The following ARIH1 variants were observed in gnomAD, a reference collection of about 807,000 sequenced individuals.
ARIH1 encodes ariadne RBR E3 ubiquitin protein ligase 1, also known as E3 ubiquitin-protein ligase ARIH1.
In ARIH1, 8 loss-of-function variants were observed where a neutral mutation model predicts 85.0. The ratio of observed to expected loss-of-function variants is 0.09; its 90% CI spans 0.06 to 0.17. The LOEUF (loss-of-function observed/expected upper bound fraction) is 0.17, where lower values mean the gene tolerates loss of function less well. Among genes scored for constraint, ARIH1 ranks in the 10% least tolerant of loss-of-function variants. The pLI, the probability that ARIH1 is intolerant of heterozygous loss-of-function variation, is 1.00. For missense variants in ARIH1, 311 were observed against 718.1 expected, an observed-to-expected ratio of 0.43 and a Z score of 6.48; for synonymous variants, 238 against 253.6, an observed-to-expected ratio of 0.94 and a Z score of 0.59.
intron 3 of ARIH1, among the ~76,000 whole-genome samples, chr15:72,548,311 G>T (rs747870668): frequency 6.6e-6 from 1 of 152,172 alleles, no homozygotes; most frequent in African/African-American, 2.4e-5. Context: ...AAGGAAGAGA[G>T]AATGTACTTT....
chr15:72,507,538 A>C (rs1007130027), intron 1 of ARIH1, among the ~76,000 whole-genome samples: 1 of 152,054 alleles, frequency 6.6e-6, no homozygotes, highest in Non-Finnish European at 1.5e-5. Flanking sequence ...GGCTTGTTTA[A>C]AAGCTTCCTA....
rs2064308779 is a variant in ARIH1 at position 72,584,712 on chromosome 15, G to C, written c.*1420G>C. 6.6e-6 allele frequency: 1 copy of C among 151,888 alleles called. No homozygotes were observed. Among genetic ancestry groups the C allele is most frequent in the African/African-American group, 2.4e-5 (1 of 41,340 alleles). The allele number at this position is 151,888 out of a possible 1,614,324, so 9.4% of individuals were successfully genotyped here. On this transcript the variant is annotated 3_prime_UTR_variant, in exon 14 of 14. Coordinates refer to ENST00000379887, the MANE Select transcript of ARIH1 (RefSeq NM_005744.5). The stretch of plus-strand genomic sequence containing the variant: ...GCTTTTTTATTGTCAGCAGATAGGA[G>C]AATTAATAATGCATTTTAGCTGTGA...
rs1389558854 is a variant in ARIH1 at position 72,582,237 on chromosome 15, T to C, written c.1589+50T>C. 7.6e-7 allele frequency: 1 copy of C among 1,310,834 alleles called. No individual in the cohort carries two copies. The highest frequency in any genetic ancestry group is 1.1e-6 in the Non-Finnish European group (1 of 917,854). The allele number at this position is 1,310,834 out of a possible 1,614,324, so 81.2% of individuals were successfully genotyped here. On this transcript the variant is annotated intron_variant, in intron 13 of 13. Coordinates refer to ENST00000379887, the MANE Select transcript of ARIH1 (RefSeq NM_005744.5). The surrounding 1 kb of genome is among the most constrained non-coding windows in gnomAD (Gnocchi z 4.6). ...TAAAACTTTCTGCCAGTGATGATCC[T>C]TACTGGTAAAGTTCAGTGATAGTGA...
chr15:72,567,224 T>G (rs184797778), intron 9 of ARIH1, 47 bp downstream of exon 9: 160 of 1,491,978 alleles, frequency 1.1e-4, no homozygotes, highest in Non-Finnish European at 1.4e-4. Flanking sequence ...ATGATAAGGA[T>G]TGGTACTTTG....
intron 11 of ARIH1, among the ~76,000 whole-genome samples, chr15:72,578,304 A>G (rs182347122): frequency 5.6e-4 from 86 of 152,284 alleles, no homozygotes; most frequent in African/African-American, 2.0e-3. Context: ...GGTTTTTTCT[A>G]TAACAACGAT....
chr15:72,492,529 T>A (rs925681224), intron 1 of ARIH1, among the ~76,000 whole-genome samples: 1 of 152,236 alleles, frequency 6.6e-6, no homozygotes, highest in East Asian at 1.9e-4. Flanking sequence ...TCACCTCTTA[T>A]GAAGGGGAAA....
chr15:72,490,163 G>C (rs552672716), intron 1 of ARIH1, among the ~76,000 whole-genome samples: 21 of 150,246 alleles, frequency 1.4e-4, no homozygotes, highest in Non-Finnish European at 2.8e-4. Context: ...AGGAGTTTGA[G>C]ACCAGCCTGG....
intron 1 of ARIH1, among the ~76,000 whole-genome samples, chr15:72,495,319 T>A (rs2063875589): frequency 6.6e-6 from 1 of 152,212 alleles, no homozygotes; most frequent in African/African-American, 2.4e-5. Context: ...ATTCTGTGAA[T>A]ATAATCAAAA....
At chr15:72,556,167 T>C (rs141588846) in intron 5 of ARIH1, among the ~76,000 whole-genome samples, 11 of 151,130 alleles carry the variant, frequency 7.3e-5, no homozygotes, top group African/African-American at 4.8e-5. Context: ...TATGTGTTAG[T>C]TGAGGTGTTC....
chr15:72,524,061 C>T (rs1176928010), intron 2 of ARIH1, among the ~76,000 whole-genome samples: 1 of 149,944 alleles, frequency 6.7e-6, no homozygotes, highest in Non-Finnish European at 1.5e-5. Context: ...ATTCTCCTGC[C>T]TCAGCCTCCT....
chr15:72,581,054 T>C, intron 12 of ARIH1, 63 bp downstream of exon 12: 3 of 1,515,168 alleles, frequency 2.0e-6, no homozygotes, highest in Non-Finnish European at 2.7e-6. Flanking sequence ...TGATCTTTCA[T>C]ATATAAGATA....
At chr15:72,525,602 ATAATC>A (rs1402196632) in intron 2 of ARIH1, among the ~76,000 whole-genome samples, 3 of 152,254 alleles carry the variant, frequency 2.0e-5, no homozygotes, top group Non-Finnish European at 4.4e-5. Context: ...TGTAAAGTAT[ATAATC>A]TAGGAAACCC....
intron 1 of ARIH1, among the ~76,000 whole-genome samples, chr15:72,486,810 C>T (rs1311961883): frequency 6.7e-6 from 1 of 149,026 alleles, no homozygotes; most frequent in Non-Finnish European, 1.5e-5. Flanking sequence ...TATCGTGCCT[C>T]AGCCTCCCAA....
At chr15:72,553,098 A>G (rs2064159921) in intron 3 of ARIH1, among the ~76,000 whole-genome samples, 1 of 152,152 alleles carries the variant, frequency 6.6e-6, no homozygotes, top group Non-Finnish European at 1.5e-5. Context: ...TTTTCAACAT[A>G]AACTCTGAAC....
rs1183654874 is a variant in ARIH1 at position 72,583,151 on chromosome 15, C to CT, written c.1590-50dup. ...ATGCCTTAAAAATAAGTAAATGCCT[C>CT]TTTTTTTATTATTAGAGGCTGACAA... On this transcript the variant is annotated intron_variant, in intron 13 of 13. Coordinates refer to ENST00000379887, the MANE Select transcript of ARIH1 (RefSeq NM_005744.5). The CT allele has an allele frequency of 2.9e-6, 4 of 1,393,822 alleles. No homozygotes were observed. The South Asian group carries it at 3.7e-5, about 13-fold the overall frequency. The allele number at this position is 1,393,822 out of a possible 1,614,324, so 86.3% of individuals were successfully genotyped here. A position where few individuals can be genotyped will look rare whatever the true frequency, so the allele number is the denominator to read the frequency against.
At chr15:72,560,632 G>A (rs777308936) in intron 5 of ARIH1, among the ~76,000 whole-genome samples, 2 of 152,152 alleles carry the variant, frequency 1.3e-5, no homozygotes, top group Non-Finnish European at 2.9e-5. Context: ...GAGGAAGGGT[G>A]GTACTTACTG....
chr15:72,489,630 C>T lies in ARIH1; in HGVS notation c.375+14616C>T, dbSNP rs978868837. ...GGTATGCCTAAAGCACTTCTGCATA[C>T]TGAAGTATGGTGGTCGTCCCAAAAT... On this transcript the variant is annotated intron_variant, in intron 1 of 13. Transcript: ENST00000379887. Among the ~76,000 whole-genome samples, 7 of 152,200 alleles carry T rather than the reference C, an allele frequency of 4.6e-5. No individual in the cohort carries two copies. In the East Asian group the frequency reaches 1.3e-3, roughly 29 times the overall value.
rs1240937568 is a variant in ARIH1 at position 72,584,584 on chromosome 15, G to A, written c.*1292G>A. On this transcript the variant is annotated 3_prime_UTR_variant, in exon 14 of 14. Coordinates refer to ENST00000379887, the MANE Select transcript of ARIH1 (RefSeq NM_005744.5). ...TTGTGAATTTAAAATGGTGGATACC[G>A]AAATTGCTTGTGTGTGTTGCTGTGG... The A allele has an allele frequency of 2.0e-5, 3 of 152,078 alleles. No individual in the cohort carries two copies. The highest frequency in any genetic ancestry group is 4.4e-5 in the Non-Finnish European group (3 of 68,012). The allele number at this position is 152,078 out of a possible 1,614,324, so 9.4% of individuals were successfully genotyped here.
chr15:72,538,511 T>C (rs1000971812), intron 2 of ARIH1, among the ~76,000 whole-genome samples: 3 of 152,254 alleles, frequency 2.0e-5, no homozygotes, highest in African/African-American at 7.2e-5. Context: ...GAAGACTTAG[T>C]AGCTTTGAAG....
Sources: allele counts gnomAD v4.1 joint callset (sites outside exome capture counted in the v4.1 genomes callset), GRCh38; gene constraint gnomAD v4.1.1; non-coding constraint Gnocchi (gnomAD v3.1); transcripts MANE v1.5; gene names NCBI Gene and HGNC (gene_info 2026-07-23, HGNC 2026-07-21).